The following KRT24 variants were observed in gnomAD, a reference collection of about 807,000 sequenced individuals.
The protein encoded by KRT24 is keratin 24.
In KRT24, 44 loss-of-function variants were observed where a neutral mutation model predicts 51.7. The observed-to-expected ratio is 0.85, with a 90% CI of 0.67 to 1.09. KRT24 has a LOEUF of 1.09. KRT24 is among the 50% of genes least tolerant of loss of function. KRT24 has a pLI of 0.00. For missense variants in KRT24, 633 were observed against 647.0 expected, an observed-to-expected ratio of 0.98 and a Z score of 0.24; for synonymous variants, 241 against 249.5, an observed-to-expected ratio of 0.97 and a Z score of 0.32.
In KRT24 at chr17:40,702,149, A is replaced by T. The variant is rs139632761; in HGVS notation, c.616-216T>A. ...CATGTTTAAGCGATTCTTGAGCCTCAGCCTCCTGAGTAGCTGGGATTACAG... is the reference window on the plus strand; with the variant it reads ...CATGTTTAAGCGATTCTTGAGCCTCTGCCTCCTGAGTAGCTGGGATTACAG... On this transcript the variant is annotated intron_variant, in intron 1 of 7. Transcript: ENST00000264651. Among the ~76,000 whole-genome samples, 197 of 152,012 alleles carry T rather than the reference A, an allele frequency of 1.3e-3. 2 individuals are homozygous for T. The East Asian group carries it at 0.032, about 25-fold the overall frequency.
chr17:40,701,432 C>T, intron 2 of KRT24, 136 bp from the exon 3 acceptor site: 1 of 598,074 alleles, frequency 1.7e-6, no homozygotes, highest in Non-Finnish European at 2.6e-6. Flanking sequence ...TAAGTTTTCT[C>T]TTGGGAAATT....
chr17:40,698,533 T>A lies in KRT24; in HGVS notation c.1474+5A>T. The stretch of plus-strand genomic sequence containing the variant: ...GAACTATTATCAATATTAAAAAAAG[T>A]CTACCTCGTCCTTGACCAGAACAGC... On this transcript the variant is annotated splice_donor_5th_base_variant and intron_variant, in intron 7 of 7. Transcript: ENST00000264651. 6.5e-7 allele frequency: 1 copy of A among 1,532,062 alleles called. No individual in the cohort carries two copies. Among genetic ancestry groups the A allele is most frequent in the Non-Finnish European group, 9.0e-7 (1 of 1,116,250 alleles). The allele number at this position is 1,532,062 out of a possible 1,614,324, so 94.9% of individuals were successfully genotyped here. A position where few individuals can be genotyped will look rare whatever the true frequency, so the allele number is the denominator to read the frequency against.
chr17:40,702,104 T>C (rs2037690483), intron 1 of KRT24, among the ~76,000 whole-genome samples, 171 bp from the exon 2 acceptor site: 1 of 152,052 alleles, frequency 6.6e-6, no homozygotes, highest in African/African-American at 2.4e-5. Context: ...AGATCTCAGC[T>C]CACTGCAACC....
intron 3 of KRT24, among the ~76,000 whole-genome samples, chr17:40,700,860 C>A (rs574527683): frequency 2.0e-5 from 3 of 152,238 alleles, no homozygotes; most frequent in Middle Eastern, 3.4e-3. Context: ...CTTGGCCTCC[C>A]AGAGTGCTGA....
At chr17:40,701,762 TATATATA>T (rs2037683273) in intron 2 of KRT24, 82 bp downstream of exon 2, 1 of 43,774 alleles carries the variant, frequency 2.3e-5, no homozygotes, top group African/African-American at 1.2e-4. Flanking sequence ...TATATATATA[TATATATA>T]TATATATATA....
Position 40,699,621 on chromosome 17 carries a change from C to A in KRT24, c.1184G>T (p.Gly395Val), listed in dbSNP as rs1313648516. 1 of 1,614,130 alleles carries A rather than the reference C, an allele frequency of 6.2e-7. No homozygotes were observed. Residue 395 changes from glycine (G) to valine (V), a missense_variant, in exon 6 of 8, where the codon GGC becomes GTC. Coordinates refer to ENST00000264651, the MANE Select transcript of KRT24 (RefSeq NM_019016.3). ...LEGTLADTEA[G>V]YVAQLSEIQT... Reference sequence around the variant, plus strand: ...AATTTCTGACAGCTGAGCCACGTAGCCAGCTTCTGTGTCAGCCAGGGTTCC... The same window carrying A: ...AATTTCTGACAGCTGAGCCACGTAGACAGCTTCTGTGTCAGCCAGGGTTCC...
At chr17:40,700,646 T>C (rs1376758226) in intron 3 of KRT24, among the ~76,000 whole-genome samples, 1 of 152,054 alleles carries the variant, frequency 6.6e-6, no homozygotes, top group Non-Finnish European at 1.5e-5. Flanking sequence ...CAGGCTGGAG[T>C]GCAGTGGCTT....
At chr17:40,703,043 C>G (rs751353997) in intron 1 of KRT24, 36 bp downstream of exon 1, 1 of 1,522,782 alleles carries the variant, frequency 6.6e-7, no homozygotes, top group Non-Finnish European at 8.8e-7. Flanking sequence ...GTGAAAGATC[C>G]ACAAATAATA....
chr17:40,701,510 A>G (rs1316248549), intron 2 of KRT24, among the ~76,000 whole-genome samples: 10 of 151,826 alleles, frequency 6.6e-5, no homozygotes, highest in Admixed American at 6.6e-4. Context: ...TAATAATAAA[A>G]TTCTCATTCT....
In KRT24 at chr17:40,699,987, T is replaced by C. The variant is rs928491720; in HGVS notation, c.1143+11A>G. Reference sequence around the variant, plus strand: ...CCCTGTTGGAAAATGTGAAAAGCTATTTGCACATACCATGGCCAGTTGGGA... The same window carrying C: ...CCCTGTTGGAAAATGTGAAAAGCTACTTGCACATACCATGGCCAGTTGGGA... On this transcript the variant is annotated intron_variant, in intron 5 of 7. Transcript: ENST00000264651. The C allele has an allele frequency of 6.2e-7, 1 of 1,614,022 alleles. No homozygotes were observed. The highest frequency in any genetic ancestry group is 8.5e-7 in the Non-Finnish European group (1 of 1,180,032).
intron 6 of KRT24, 75 bp downstream of exon 6, chr17:40,699,369 C>T: frequency 8.8e-7 from 1 of 1,141,410 alleles, no homozygotes; most frequent in Non-Finnish European, 1.3e-6. Context: ...AAGTCTAAGC[C>T]CTGAGTCCCA....
chr17:40,700,449 T>C (rs973638237), intron 3 of KRT24, 66 bp from the exon 4 acceptor site: 3 of 1,239,498 alleles, frequency 2.4e-6, no homozygotes, highest in Admixed American at 4.2e-5. Flanking sequence ...AAAATGTGCC[T>C]AGACAACAAC....
In KRT24 at chr17:40,701,854, A is replaced by C. The variant is rs772324350; in HGVS notation, c.695T>G (p.Leu232Arg). The C allele has an allele frequency of 1.4e-6, 2 of 1,438,934 alleles. No individual in the cohort carries two copies. The highest frequency in any genetic ancestry group is 2.9e-5 in the South Asian group (2 of 67,982). The allele number at this position is 1,438,934 out of a possible 1,614,324, so 89.1% of individuals were successfully genotyped here. Reference sequence around the variant, plus strand: ...TTCAAGTCTTTATGTTTCTTACTTCAGTCTGAAGTCATCAGCAGCCAATCT... The same window carrying C: ...TTCAAGTCTTTATGTTTCTTACTTCCGTCTGAAGTCATCAGCAGCCAATCT... ...NARLAADDFRLKYENELCLRQ... is the reference protein window; with the variant it reads ...NARLAADDFRRKYENELCLRQ... Residue 232 changes from leucine (L) to arginine (R), a missense_variant, in exon 2 of 8, where the codon CTG (leucine) becomes CGG (arginine). By Grantham distance (102) the Leu-to-Arg change is moderately radical. Coordinates refer to ENST00000264651, the MANE Select transcript of KRT24 (RefSeq NM_019016.3).
chr17:40,701,748 TA>T (rs1567863002), intron 2 of KRT24, 102 bp downstream of exon 2: 2,783 of 45,872 alleles, frequency 0.061, 222 homozygotes, highest in Middle Eastern at 0.11. Context: ...TATATATATA[TA>T]TATATATATA....
At position 40,703,674 on chromosome 17, in the gene KRT24, G is replaced by A. The variant is rs746138646; in HGVS notation, c.20C>T (p.Ala7Val). 1.7e-5 allele frequency: 27 copies of A among 1,575,628 alleles called. No homozygotes were observed. Among genetic ancestry groups the A allele is most frequent in the Non-Finnish European group, 2.2e-5 (26 of 1,162,406 alleles). ...GCTGCCTCCAGCCCTGGAGGAGGAG[G>A]CGCGAGACGAGCAAGACATGGTGCT... MSCSSR[A>V]SSSRAGGSSS... Residue 7 changes from alanine (A) to valine (V), a missense_variant, in exon 1 of 8, where the codon GCC becomes GTC. Ala to Val is a moderately conservative substitution (Grantham distance 64, BLOSUM62 0). Transcript: ENST00000264651.
Position 40,701,239 on chromosome 17 carries a change from C to G in KRT24, c.756G>C (p.Arg252=). The G allele has an allele frequency of 6.2e-7, 1 of 1,614,062 alleles. No individual in the cohort carries two copies. Among genetic ancestry groups the G allele is most frequent in the Non-Finnish European group, 8.5e-7 (1 of 1,180,002 alleles). The change falls in exon 3 of 8, where the codon CGG becomes CGC. Residue 252 remains arginine, a synonymous_variant. Coordinates refer to ENST00000264651, the MANE Select transcript of KRT24 (RefSeq NM_019016.3). ...QSVEADINGL[R]KVLDDLTMTR... ...TCATAGTCAGGTCATCCAGGACTTT[C>G]CGCAGGCCATTGATGTCAGCCTCCA...
At chr17:40,698,506 C>T in intron 7 of KRT24, 32 bp downstream of exon 7, 1 of 1,309,002 alleles carries the variant, frequency 7.6e-7, no homozygotes, top group Non-Finnish European at 1.1e-6. Context: ...TTTTAAATTA[C>T]AGAACTATTA....
rs768748370 is a variant in KRT24, at chr17:40,699,605, C to G, written c.1200G>C (p.Leu400=). The G allele has an allele frequency of 5.6e-6, 9 of 1,614,076 alleles. No individual in the cohort carries two copies. The Admixed American group carries it at 6.7e-5, about 12-fold the overall frequency. ...ADTEAGYVAQ[L]SEIQTQISAL... ...CACTGATCTGCGTTTGAATTTCTGA[C>G]AGCTGAGCCACGTAGCCAGCTTCTG... Residue 400 remains leucine (L), a synonymous_variant, in exon 6 of 8, where the codon CTG becomes CTC. Transcript: ENST00000264651.
At chr17:40,700,483 G>GT in intron 3 of KRT24, 100 bp from the exon 4 acceptor site, 1 of 804,238 alleles carries the variant, frequency 1.2e-6, no homozygotes, top group Non-Finnish European at 1.9e-6. Context: ...GACACTGAAA[G>GT]GAAAAAAAAA....
Sources: gnomAD v4.1 joint callset for allele counts (sites outside exome capture counted in the v4.1 genomes callset) on GRCh38, gnomAD v4.1.1 for gene constraint, MANE v1.5 for transcripts, NCBI Gene and HGNC (gene_info 2026-07-23, HGNC 2026-07-21) for gene names.